CSTF3: variants seen among roughly 807,000 people sequenced by gnomAD.
CSTF3 encodes CF-1 77 kDa subunit.
A neutral mutation model predicts 105.8 loss-of-function variants in CSTF3; 29 were observed. The observed-to-expected ratio is 0.27, with a 90% CI of 0.20 to 0.37. The LOEUF (loss-of-function observed/expected upper bound fraction) is 0.37. Ranked by LOEUF, CSTF3 falls within the 10% of genes least tolerant of loss-of-function variation. CSTF3 has a pLI of 1.00. For synonymous variants in CSTF3, 252 were observed against 281.9 expected, an observed-to-expected ratio of 0.89 and a Z score of 1.06; for missense variants, 357 against 879.3, an observed-to-expected ratio of 0.41 and a Z score of 7.51.
At chr11:33,095,367 C>T (rs1855209139) in intron 15 of CSTF3, among the ~76,000 whole-genome samples, 1 of 152,166 alleles carries the variant, frequency 6.6e-6, no homozygotes. Flanking sequence ...AGCTAAAAAA[C>T]CAACTTTTAT....
chr11:33,141,906 G>A lies in CSTF3; in HGVS notation c.108C>T (p.Ser36=). 6.2e-7 allele frequency: 1 copy of A among 1,603,038 alleles called. No individual in the cohort carries two copies. Among genetic ancestry groups the A allele is most frequent in the Non-Finnish European group, 8.5e-7 (1 of 1,176,566 alleles). The change falls in exon 2 of 21, where the codon AGC becomes AGT. Residue 36 remains serine (S), a synonymous_variant. Coordinates refer to ENST00000323959, the MANE Select transcript of CSTF3 (RefSeq NM_001326.3). ...EENPYDLDAW[S]ILIREAQNQP... is the part of the protein sequence containing the mutation. Reference sequence around the variant, plus strand: ...AAACCTGTGCCTCTCGAATGAGAATGCTCCAAGCATCAAGGTCATATGGAT... The same window carrying A: ...AAACCTGTGCCTCTCGAATGAGAATACTCCAAGCATCAAGGTCATATGGAT...
At chr11:33,121,592 G>C (rs1461177654) in intron 3 of CSTF3, among the ~76,000 whole-genome samples, 6 of 152,152 alleles carry the variant, frequency 3.9e-5, no homozygotes, top group African/African-American at 1.4e-4. Flanking sequence ...TATATGGAAA[G>C]CTGCCATGAA....
intron 16 of CSTF3, 140 bp from the exon 17 acceptor site, chr11:33,090,867 T>C (rs1855162404): frequency 3.9e-6 from 2 of 507,922 alleles, no homozygotes; most frequent in Non-Finnish European, 6.8e-6. Context: ...TTTTAGACTA[T>C]AGAAAAATAG....
At chr11:33,092,180 C>A in intron 16 of CSTF3, 91 bp downstream of exon 16, 1 of 772,138 alleles carries the variant, frequency 1.3e-6, no homozygotes, top group South Asian at 2.6e-5. Flanking sequence ...TCTTGAAACT[C>A]ATACTCAAGC....
In CSTF3 at chr11:33,099,385, A is replaced by G. The variant is rs977430441; in HGVS notation, c.936+223T>C. ...TTTTAACTTACAAAATAACCATGCA[A>G]GTACTCTAAATGATTCATTACTTTG... On this transcript the variant is annotated intron_variant, in intron 11 of 20. Coordinates refer to ENST00000323959, the MANE Select transcript of CSTF3 (RefSeq NM_001326.3). This position sits in a 1 kb window ranked among gnomAD's most constrained non-coding sequence, Gnocchi z 4.1. Among the ~76,000 whole-genome samples, 2 of 152,324 alleles carry G rather than the reference A, an allele frequency of 1.3e-5. No homozygotes were observed. Among genetic ancestry groups the G allele is most frequent in the African/African-American group, 4.8e-5 (2 of 41,570 alleles).
intron 3 of CSTF3, among the ~76,000 whole-genome samples, chr11:33,140,660 G>A (rs1855701181): frequency 1.3e-5 from 2 of 151,972 alleles, no homozygotes; most frequent in Non-Finnish European, 2.9e-5. Context: ...CTTTGAATAG[G>A]TCCAAAACAG....
intron 1 of CSTF3, among the ~76,000 whole-genome samples, chr11:33,153,034 A>G (rs920776776): frequency 6.6e-6 from 1 of 152,254 alleles, no homozygotes; most frequent in South Asian, 2.1e-4. Flanking sequence ...AAAACAAAAA[A>G]TTAAAGTATT....
At chr11:33,093,661 GGTAT>G (rs796748620) in intron 15 of CSTF3, among the ~76,000 whole-genome samples, 19 of 151,892 alleles carry the variant, frequency 1.3e-4, no homozygotes, top group African/African-American at 4.1e-4. Flanking sequence ...TTTGAAATCT[GGTAT>G]GTATTTACAC....
chr11:33,131,679 T>C (rs1449025207), intron 3 of CSTF3, among the ~76,000 whole-genome samples: 1 of 146,238 alleles, frequency 6.8e-6, no homozygotes, highest in Non-Finnish European at 1.5e-5. Flanking sequence ...ACCCCATCTC[T>C]ACTAAAAATA....
intron 3 of CSTF3, among the ~76,000 whole-genome samples, chr11:33,116,427 T>C (rs1235150754): frequency 6.6e-6 from 1 of 152,062 alleles, no homozygotes; most frequent in Non-Finnish European, 1.5e-5. Context: ...CCATGCAAAC[T>C]AGAGTTAACA....
In CSTF3 at chr11:33,138,222, A is replaced by G. The variant is rs145706990; in HGVS notation, c.225+3445T>C. ...TTCTTCATTTCTCCTTCAGCCACCA[A>G]TAAAAAACATGCTTCAGTAAAAAAA... On this transcript the variant is annotated intron_variant, in intron 3 of 20. Transcript: ENST00000323959. Among the ~76,000 whole-genome samples the G allele has an allele frequency of 8.9e-3, 1,353 of 151,888 alleles. 4 individuals are homozygous for G. The highest frequency in any genetic ancestry group is 0.013 in the Non-Finnish European group (876 of 67,716).
chr11:33,146,057 T>C (rs996069865), intron 1 of CSTF3, among the ~76,000 whole-genome samples: 6 of 151,174 alleles, frequency 4.0e-5, no homozygotes, highest in Admixed American at 4.0e-4. Flanking sequence ...ACCAATATGG[T>C]GAAACCCCCG....
At chr11:33,149,585 T>C (rs888871979) in intron 1 of CSTF3, among the ~76,000 whole-genome samples, 1 of 152,184 alleles carries the variant, frequency 6.6e-6, no homozygotes, top group African/African-American at 2.4e-5. Context: ...CCTGAATCTG[T>C]TGCCAGAACA....
chr11:33,146,390 T>C (rs1211892561), intron 1 of CSTF3, among the ~76,000 whole-genome samples: 4 of 151,900 alleles, frequency 2.6e-5, no homozygotes, highest in Admixed American at 2.6e-4. Context: ...TGAAAATAAA[T>C]TAAATAACTA....
rs962564034 is a variant in CSTF3 at position 33,153,115 on chromosome 11, T to TA, written c.27+8183dup. 7.7e-4 allele frequency among the ~76,000 whole-genome samples: 114 copies of TA among 148,180 alleles called. No homozygotes were observed. In the South Asian group the frequency reaches 8.7e-3, roughly 11 times the overall value. On this transcript the variant is annotated intron_variant, in intron 1 of 20. Coordinates refer to ENST00000323959, the MANE Select transcript of CSTF3 (RefSeq NM_001326.3). ...TTTTACTGAAGGAAATTTTCCAAAA[T>TA]AAAAAAAAAAGTCAAAAGAATGGCA... is the stretch of plus-strand genomic sequence containing the variant.
chr11:33,088,549 G>A, intron 17 of CSTF3, among the ~76,000 whole-genome samples: 1 of 151,832 alleles, frequency 6.6e-6, no homozygotes, highest in Non-Finnish European at 1.5e-5. Context: ...CAAAGTGCTG[G>A]GATTACAGGT....
intron 1 of CSTF3, among the ~76,000 whole-genome samples, chr11:33,143,412 A>G (rs969106620): frequency 6.6e-6 from 1 of 152,226 alleles, no homozygotes; most frequent in Admixed American, 6.5e-5. Context: ...TCAGAATACT[A>G]CTGTGTACCA....
chr11:33,097,041 A>C lies in CSTF3; in HGVS notation c.1129-63T>G, dbSNP rs571054597. ...CAGTATGTTTCCTGCATAAGAAAGC[A>C]ATCCTCAATACCCAATAAATTAGAA... On this transcript the variant is annotated intron_variant, in intron 13 of 20. Transcript: ENST00000323959. 3 of 1,156,606 alleles carry C rather than the reference A, an allele frequency of 2.6e-6. No individual in the cohort carries two copies. The African/African-American group carries it at 4.6e-5, about 18-fold the overall frequency. The allele number at this position is 1,156,606 out of a possible 1,614,324, so 71.6% of individuals were successfully genotyped here.
At chr11:33,088,611 A>G (rs1855132439) in intron 17 of CSTF3, among the ~76,000 whole-genome samples, 1 of 147,962 alleles carries the variant, frequency 6.8e-6, no homozygotes. Context: ...GTTTATTTTT[A>G]TTTTTTATTT....
Sources: gnomAD v4.1 joint callset for allele counts (sites outside exome capture counted in the v4.1 genomes callset) on GRCh38, gnomAD v4.1.1 for gene constraint, Gnocchi (gnomAD v3.1) non-coding constraint, MANE v1.5 for transcripts, NCBI Gene and HGNC (gene_info 2026-07-23, HGNC 2026-07-21) for gene names.